GLRA1: variants seen among roughly 807,000 people sequenced by gnomAD.
GLRA1 encodes glycine receptor subunit alpha-1.
GLRA1 carries 37 observed loss-of-function variants against 48.3 expected under a neutral mutation model. The observed-to-expected ratio is 0.77, with a 90% confidence interval of 0.59 to 1.01. The LOEUF (loss-of-function observed/expected upper bound fraction) is 1.01. GLRA1 is among the 50% of genes least tolerant of loss of function. GLRA1 has a pLI of 0.00. For missense variants in GLRA1, 427 were observed against 571.0 expected, an observed-to-expected ratio of 0.75 and a Z score of 2.57; for synonymous variants, 196 against 210.7, an observed-to-expected ratio of 0.93 and a Z score of 0.60.
intron 1 of GLRA1, among the ~76,000 whole-genome samples, chr5:151,900,371 C>T (rs1038357848): frequency 6.6e-5 from 10 of 152,182 alleles, no homozygotes; most frequent in South Asian, 4.1e-4. Context: ...TCTATTTGCC[C>T]GATGAGGGGG....
At chr5:151,924,420 A>G (rs183829395) in intron 1 of GLRA1, 74 bp downstream of exon 1, 1 of 928,196 alleles carries the variant, frequency 1.1e-6, no homozygotes. Context: ...TGATGGGACC[A>G]CGGACAGAGG....
chr5:151,857,113 G>A (rs568607916), intron 4 of GLRA1, among the ~76,000 whole-genome samples: 52 of 152,172 alleles, frequency 3.4e-4, no homozygotes, highest in Non-Finnish European at 6.0e-4. Context: ...CTGAAGCAGC[G>A]ACAAACCTCT....
At chr5:151,884,459 ATTTTT>A (rs1454025792) in intron 3 of GLRA1, among the ~76,000 whole-genome samples, 1 of 152,122 alleles carries the variant, frequency 6.6e-6, no homozygotes, top group East Asian at 1.9e-4. Context: ...AAAAAAACCC[ATTTTT>A]TCTCTACACA....
At chr5:151,843,246 C>T (rs190266693) in intron 7 of GLRA1, among the ~76,000 whole-genome samples, 6 of 149,808 alleles carry the variant, frequency 4.0e-5, no homozygotes, top group African/African-American at 1.2e-4. Flanking sequence ...AATTGACAAG[C>T]TGCTTCTAAA....
At chr5:151,888,754 A>C (rs1265661371) in intron 2 of GLRA1, among the ~76,000 whole-genome samples, 1 of 152,224 alleles carries the variant, frequency 6.6e-6, no homozygotes, top group Non-Finnish European at 1.5e-5. Context: ...TTTGGGGACC[A>C]CTGCTGTAGA....
At chr5:151,896,980 A>G (rs531814323) in intron 1 of GLRA1, among the ~76,000 whole-genome samples, 4 of 152,334 alleles carry the variant, frequency 2.6e-5, no homozygotes, top group African/African-American at 9.6e-5. Context: ...TTAGAGGCAT[A>G]TTAACACCTA....
intron 1 of GLRA1, among the ~76,000 whole-genome samples, chr5:151,902,720 C>T (rs552261118): frequency 2.6e-5 from 4 of 152,120 alleles, no homozygotes; most frequent in Admixed American, 2.6e-4. Flanking sequence ...TAATAACAGC[C>T]AGCCCTTATT....
intron 1 of GLRA1, among the ~76,000 whole-genome samples, chr5:151,901,715 A>T (rs1196161686): frequency 6.6e-6 from 1 of 152,250 alleles, no homozygotes; most frequent in Non-Finnish European, 1.5e-5. Context: ...TTGAGGAGAC[A>T]TAGCAGTAGG....
At chr5:151,896,424 T>C (rs976536672) in intron 1 of GLRA1, among the ~76,000 whole-genome samples, 1 of 152,258 alleles carries the variant, frequency 6.6e-6, no homozygotes, top group South Asian at 2.1e-4. Context: ...AAAATCATGA[T>C]AGTTATGCTA....
intron 1 of GLRA1, among the ~76,000 whole-genome samples, chr5:151,906,546 G>A (rs1754476611): frequency 1.3e-5 from 2 of 152,230 alleles, no homozygotes; most frequent in African/African-American, 4.8e-5. Flanking sequence ...GACTCTGTGG[G>A]TGTTTGGCTC....
intron 3 of GLRA1, among the ~76,000 whole-genome samples, chr5:151,866,265 C>T (rs927329895): frequency 1.3e-5 from 2 of 152,182 alleles, no homozygotes; most frequent in African/African-American, 4.8e-5. Flanking sequence ...CTTATGAGAC[C>T]AAGGTAGAGC....
chr5:151,856,491 G>T, intron 4 of GLRA1, 108 bp from the exon 5 acceptor site: 1 of 737,160 alleles, frequency 1.4e-6, no homozygotes, highest in East Asian at 2.7e-5. Flanking sequence ...GGGAAAGAAG[G>T]TCAGGGAACT....
At chr5:151,829,567 A>G (rs79759224) in intron 7 of GLRA1, among the ~76,000 whole-genome samples, 1 of 152,268 alleles carries the variant, frequency 6.6e-6, no homozygotes, top group African/African-American at 2.4e-5. Flanking sequence ...CTGAATCTTA[A>G]TAAGAACAGC....
Position 151,872,581 on chromosome 5 carries a change from C to T in GLRA1, c.253-12573G>A, listed in dbSNP as rs1753516046. Among the ~76,000 whole-genome samples the T allele has an allele frequency of 1.3e-5, 2 of 149,622 alleles. 1 individual carries two copies. Among genetic ancestry groups the T allele is most frequent in the African/African-American group, 5.1e-5 (2 of 39,052 alleles). ...AGAAATGCACACAGAGGGTTATGCACAAGAATGCTCATTGTAGCCTTGTTT... is the reference window on the plus strand; with the variant it reads ...AGAAATGCACACAGAGGGTTATGCATAAGAATGCTCATTGTAGCCTTGTTT... On this transcript the variant is annotated intron_variant, in intron 3 of 8. Transcript: ENST00000274576.
At chr5:151,922,799 T>A (rs886360737) in intron 1 of GLRA1, among the ~76,000 whole-genome samples, 7 of 152,148 alleles carry the variant, frequency 4.6e-5, no homozygotes, top group Admixed American at 1.3e-4. Flanking sequence ...ATACTGCTCA[T>A]CAAGAAAAAA....
At chr5:151,891,423 T>A (rs534880031) in intron 2 of GLRA1, among the ~76,000 whole-genome samples, 6 of 152,306 alleles carry the variant, frequency 3.9e-5, no homozygotes, top group Admixed American at 1.3e-4. Context: ...CACAAACATG[T>A]TTTATTTGAA....
intron 3 of GLRA1, among the ~76,000 whole-genome samples, chr5:151,881,356 G>A (rs1403743034): frequency 5.1e-5 from 7 of 137,674 alleles, no homozygotes; most frequent in Non-Finnish European, 9.2e-5. Context: ...GCCTCACCCT[G>A]TTGCCCAGTC....
chr5:151,846,236 A>G (rs1752670707), intron 7 of GLRA1, among the ~76,000 whole-genome samples: 1 of 152,202 alleles, frequency 6.6e-6, no homozygotes, highest in African/African-American at 2.4e-5. Flanking sequence ...AAAAAGTATG[A>G]ATGAAGGGGA....
chr5:151,890,096 TAAATAAATGAAC>T (rs1754024065), intron 2 of GLRA1, among the ~76,000 whole-genome samples: 1 of 152,102 alleles, frequency 6.6e-6, no homozygotes, highest in Non-Finnish European at 1.5e-5. Context: ...AGTAAGTAAA[TAAATAAATGAAC>T]AAATAAATAA....
Sources: allele counts gnomAD v4.1 joint callset (sites outside exome capture counted in the v4.1 genomes callset), GRCh38; gene constraint gnomAD v4.1.1; transcripts MANE v1.5; gene names NCBI Gene and HGNC (gene_info 2026-07-23, HGNC 2026-07-21).